The following ENOX2 variants were observed in gnomAD, a reference collection of about 807,000 sequenced individuals.
ENOX2 encodes ecto-NOX disulfide-thiol exchanger 2.
Under a neutral mutation model 45.0 loss-of-function variants are expected in ENOX2, and 36 were observed. The observed-to-expected ratio is 0.80, with a 90% confidence interval of 0.61 to 1.06. ENOX2 has a LOEUF of 1.06. Ranked by LOEUF, ENOX2 falls within the 50% of genes least tolerant of loss-of-function variation. The probability of loss-of-function intolerance (pLI) is 0.00; values close to 1 mark genes in which losing one functional copy is unlikely to be tolerated. For missense variants in ENOX2, 423 were observed against 462.5 expected (o/e 0.91, Z 0.78); for synonymous variants, 174 against 152.3 (o/e 1.14, Z -1.05).
At chrX:130,896,808 T>C (rs2079063959) in intron 2 of ENOX2, among the ~76,000 whole-genome samples, 8 of 112,195 alleles carry the variant, frequency 7.1e-5, no homozygotes, top group Middle Eastern at 4.6e-3. Flanking sequence ...ATGGGTATTA[T>C]CTGTAAGGAA....
intron 12 of ENOX2, among the ~76,000 whole-genome samples, chrX:130,632,002 C>T (rs182990254): frequency 9.0e-6 from 1 of 110,510 alleles, no homozygotes. Flanking sequence ...GGATTTCATC[C>T]CACTGTTAAA....
intron 12 of ENOX2, 114 bp downstream of exon 12, chrX:130,634,870 G>A (rs1400604773): frequency 4.5e-5 from 19 of 422,524 alleles, no homozygotes; most frequent in South Asian, 9.7e-5. Context: ...ATTCCCAATC[G>A]GCCAAAAATG....
At chrX:130,853,480 A>G (rs373110467) in intron 2 of ENOX2, among the ~76,000 whole-genome samples, 330 of 107,968 alleles carry the variant, frequency 3.1e-3, no homozygotes, top group African/African-American at 0.01. Context: ...AAAAAAAAAA[A>G]AAAAAAGAAA....
chrX:130,821,742 TAAAAAAAAAAAAAAA>T, intron 2 of ENOX2, among the ~76,000 whole-genome samples: 1 of 23,187 alleles, frequency 4.3e-5, no homozygotes, highest in African/African-American at 1.8e-4. Context: ...ATAAATAAAT[TAAAAAAAAAAAAAAA>T]AAAAAAAAAA....
intron 3 of ENOX2, among the ~76,000 whole-genome samples, chrX:130,733,777 GA>G (rs1363152558): frequency 8.9e-6 from 1 of 111,983 alleles, no homozygotes; most frequent in Admixed American, 9.5e-5. Context: ...GTAGTTGGTG[GA>G]AGGCAGGAGG....
chrX:130,902,268 T>G (rs2079155359), intron 1 of ENOX2, among the ~76,000 whole-genome samples: 1 of 111,963 alleles, frequency 8.9e-6, no homozygotes, highest in Non-Finnish European at 1.9e-5. Flanking sequence ...TTTGTCAACA[T>G]TAGTGCTATC....
intron 10 of ENOX2, among the ~76,000 whole-genome samples, chrX:130,651,942 C>T (rs1455062793): frequency 9.0e-6 from 1 of 111,393 alleles, no homozygotes. Flanking sequence ...CATCTTCAAT[C>T]TCATACTCTC....
chrX:130,796,671 CA>C (rs2077134303), intron 2 of ENOX2, among the ~76,000 whole-genome samples: 1 of 111,966 alleles, frequency 8.9e-6, no homozygotes, highest in African/African-American at 3.2e-5. Flanking sequence ...AGGTCAGAAA[CA>C]CTTAATAGAT....
At chrX:130,894,474 G>A (rs1232709791) in intron 2 of ENOX2, among the ~76,000 whole-genome samples, 38 of 101,112 alleles carry the variant, frequency 3.8e-4, no homozygotes, top group Admixed American at 3.6e-3. Flanking sequence ...ATTCAGAAAT[G>A]ATGAAGCATC....
rs754673387 is a variant in ENOX2, at chrX:130,872,648, C to T, written c.-183+29036G>A. Among the ~76,000 whole-genome samples, 7 of 112,024 alleles carry T rather than the reference C, an allele frequency of 6.2e-5. No homozygotes were observed. The South Asian group carries it at 2.6e-3, about 42-fold the overall frequency. On this transcript the variant is annotated intron_variant, in intron 2 of 14. Transcript: ENST00000394363. Reference sequence around the variant, plus strand: ...TCACGCTACCTGATGTCAAACTATACTACAAGGCTACAGTAACCAAAACAG... The same window carrying T: ...TCACGCTACCTGATGTCAAACTATATTACAAGGCTACAGTAACCAAAACAG...
intron 2 of ENOX2, among the ~76,000 whole-genome samples, chrX:130,844,846 T>C (rs953778193): frequency 9.0e-6 from 1 of 111,716 alleles, no homozygotes; most frequent in African/African-American, 3.3e-5. Context: ...ACTAAGAATA[T>C]AATAATGCAA....
intron 3 of ENOX2, among the ~76,000 whole-genome samples, chrX:130,712,662 C>T (rs747487548): frequency 5.4e-5 from 6 of 111,538 alleles, no homozygotes; most frequent in African/African-American, 3.3e-5. Context: ...TCAAGGGAAA[C>T]GGGATGCAAG....
intron 2 of ENOX2, among the ~76,000 whole-genome samples, chrX:130,883,187 T>C (rs1371820855): frequency 8.9e-6 from 1 of 111,819 alleles, no homozygotes; most frequent in Non-Finnish European, 1.9e-5. Flanking sequence ...CTCAGCTCAC[T>C]GTAACCTCTG....
At chrX:130,674,321 G>C (rs1043625014) in intron 6 of ENOX2, among the ~76,000 whole-genome samples, 1 of 105,195 alleles carries the variant, frequency 9.5e-6, no homozygotes, top group Non-Finnish European at 1.9e-5. Context: ...TGAAGACCTA[G>C]CAATAGAAAC....
At chrX:130,863,178 C>G (rs1259376962) in intron 2 of ENOX2, among the ~76,000 whole-genome samples, 2 of 112,172 alleles carry the variant, frequency 1.8e-5, no homozygotes, top group Non-Finnish European at 3.8e-5. Flanking sequence ...TTCTCCTTAA[C>G]AAAAATAAGA....
chrX:130,804,568 C>T (rs1405427955), intron 2 of ENOX2, among the ~76,000 whole-genome samples: 2 of 111,704 alleles, frequency 1.8e-5, no homozygotes, highest in Non-Finnish European at 3.8e-5. Flanking sequence ...ACCTAAAAGG[C>T]TTCTCTTTGG....
chrX:130,680,888 G>A (rs769483579), intron 5 of ENOX2, among the ~76,000 whole-genome samples: 1 of 112,252 alleles, frequency 8.9e-6, no homozygotes, highest in Non-Finnish European at 1.9e-5. Flanking sequence ...GAGCCTCCTT[G>A]GGTATCAGGA....
intron 2 of ENOX2, among the ~76,000 whole-genome samples, chrX:130,867,446 A>G (rs1273817930): frequency 8.9e-6 from 1 of 111,859 alleles, no homozygotes; most frequent in East Asian, 2.8e-4. Context: ...TATTAAAACC[A>G]CTGGTCAGTC....
intron 3 of ENOX2, among the ~76,000 whole-genome samples, chrX:130,778,672 C>A (rs2039910622): frequency 8.9e-6 from 1 of 112,353 alleles, no homozygotes; most frequent in South Asian, 3.7e-4. Flanking sequence ...AAGGGTCTTT[C>A]TGGAGATCTT....
Sources: allele counts gnomAD v4.1 joint callset (sites outside exome capture counted in the v4.1 genomes callset), GRCh38; gene constraint gnomAD v4.1.1; transcripts MANE v1.5; gene names NCBI Gene and HGNC (gene_info 2026-07-23, HGNC 2026-07-21).